MCM6: variants seen among roughly 807,000 people sequenced by gnomAD.
MCM6 encodes DNA replication licensing factor MCM6.
MCM6 carries 46 observed loss-of-function variants against 94.3 expected under a neutral mutation model. That is an observed-to-expected ratio of 0.49 (90% CI 0.39 to 0.62). The LOEUF is 0.62. Among genes scored for constraint, MCM6 ranks in the 20% least tolerant of loss-of-function variants. The pLI is 0.00. For synonymous variants in MCM6, 335 were observed against 351.9 expected, an observed-to-expected ratio of 0.95 and a Z score of 0.54; for missense variants, 865 against 1,017.9, an observed-to-expected ratio of 0.85 and a Z score of 2.04.
intron 6 of MCM6, among the ~76,000 whole-genome samples, chr2:135,865,689 G>T (rs1680080915): frequency 6.6e-6 from 1 of 152,086 alleles, no homozygotes; most frequent in Admixed American, 6.6e-5. Context: ...GCACTTAAAA[G>T]CATTGAGCTT....
intron 11 of MCM6, among the ~76,000 whole-genome samples, chr2:135,853,927 T>C (rs1248932673): frequency 6.6e-6 from 1 of 152,238 alleles, no homozygotes; most frequent in East Asian, 1.9e-4. Flanking sequence ...AAATTATTTC[T>C]AATTAAGAAG....
chr2:135,844,494 C>A, intron 16 of MCM6, 51 bp downstream of exon 16: 1 of 1,396,914 alleles, frequency 7.2e-7, no homozygotes, highest in Non-Finnish European at 9.3e-7. Context: ...AGATACAGGG[C>A]ATGAACTCCC....
chr2:135,856,995 C>T, intron 10 of MCM6, 112 bp from the exon 11 acceptor site: 1 of 920,404 alleles, frequency 1.1e-6, no homozygotes, highest in Non-Finnish European at 1.6e-6. Context: ...AAAATAATGA[C>T]ATACCCTTTT....
chr2:135,869,991 T>C (rs1680172383), intron 3 of MCM6, among the ~76,000 whole-genome samples: 1 of 152,228 alleles, frequency 6.6e-6, no homozygotes, highest in African/African-American at 2.4e-5. Flanking sequence ...GTACTTGTTT[T>C]ATAATTATTG....
intron 11 of MCM6, among the ~76,000 whole-genome samples, chr2:135,855,089 G>C (rs1679848266): frequency 6.6e-6 from 1 of 152,134 alleles, no homozygotes; most frequent in Non-Finnish European, 1.5e-5. Context: ...CTAGGAGGCG[G>C]AGGTTGCAGT....
intron 15 of MCM6, 126 bp from the exon 16 acceptor site, chr2:135,844,810 A>G: frequency 1.0e-6 from 1 of 980,942 alleles, no homozygotes; most frequent in East Asian, 2.9e-5. Flanking sequence ...CCGAAAGTAC[A>G]TCTGGTGACG....
At chr2:135,860,176 A>C (rs1679963005) in intron 8 of MCM6, among the ~76,000 whole-genome samples, 1 of 151,970 alleles carries the variant, frequency 6.6e-6, no homozygotes, top group Admixed American at 6.6e-5. Context: ...TCTGTCACCC[A>C]GGCTGGAGTG....
intron 15 of MCM6, among the ~76,000 whole-genome samples, chr2:135,845,916 T>C (rs1484175539): frequency 6.6e-6 from 1 of 152,162 alleles, no homozygotes; most frequent in East Asian, 1.9e-4. Context: ...AGAACCATTG[T>C]AAGGGAATAG....
intron 1 of MCM6, among the ~76,000 whole-genome samples, chr2:135,874,822 TACAG>T (rs1333817369): frequency 6.6e-6 from 1 of 152,206 alleles, no homozygotes; most frequent in East Asian, 1.9e-4. Flanking sequence ...ACTCAATGTG[TACAG>T]ACAATGTTAT....
intron 1 of MCM6, among the ~76,000 whole-genome samples, chr2:135,874,704 T>C (rs949694673): frequency 6.6e-6 from 1 of 152,182 alleles, no homozygotes; most frequent in Non-Finnish European, 1.5e-5. Flanking sequence ...CACTGGAGCA[T>C]TTCAAATTAG....
chr2:135,872,715 A>T lies in MCM6; in HGVS notation c.236T>A (p.Ile79Asn). ...CCCATACCTATAGAACTCCTCTTGA[A>T]TGGTGGTGGAAAGTTGCTGGTTAAA... is the stretch of plus-strand genomic sequence containing the variant. Reference protein sequence around the residue: ...EQFNQQLSTTIQEEFYRVYPY... With the variant: ...EQFNQQLSTTNQEEFYRVYPY... Residue 79 changes from isoleucine to asparagine, a missense_variant, in exon 2 of 17, where the codon ATT becomes AAT. Physicochemically the swap from Ile to Asn is moderately radical, Grantham distance 149. Transcript: ENST00000264156. 1.2e-6 allele frequency: 2 copies of T among 1,614,194 alleles called. No homozygotes were observed. The highest frequency in any genetic ancestry group is 1.7e-6 in the Non-Finnish European group (2 of 1,180,034).
At chr2:135,865,942 AG>A (rs1393644496) in intron 6 of MCM6, among the ~76,000 whole-genome samples, 189 bp downstream of exon 6, 1 of 152,136 alleles carries the variant, frequency 6.6e-6, no homozygotes, top group African/African-American at 2.4e-5. Flanking sequence ...TCTCTAAAAA[AG>A]TTTTTTTAAT....
chr2:135,861,147 A>G (rs978440076), intron 8 of MCM6, among the ~76,000 whole-genome samples: 2 of 152,244 alleles, frequency 1.3e-5, no homozygotes, highest in East Asian at 1.9e-4. Context: ...ATATTTAATC[A>G]TAAAACTCCA....
At chr2:135,841,065 C>G in intron 16 of MCM6, 114 bp from the exon 17 acceptor site, 2 of 757,548 alleles carry the variant, frequency 2.6e-6, no homozygotes, top group Non-Finnish European at 4.5e-6. Flanking sequence ...CTTTCATTTC[C>G]CAACTAGAAA....
chr2:135,843,070 G>T (rs1439030186), intron 16 of MCM6, among the ~76,000 whole-genome samples: 2 of 152,134 alleles, frequency 1.3e-5, no homozygotes, highest in African/African-American at 4.8e-5. Flanking sequence ...TGGTGAAGGC[G>T]GTAAAAAGAG....
At position 135,858,021 on chromosome 2, in the gene MCM6, C is replaced by T; in HGVS notation, c.1363-17G>A. The T allele has an allele frequency of 6.2e-7, 1 of 1,608,666 alleles. No individual in the cohort carries two copies. Among genetic ancestry groups the T allele is most frequent in the Non-Finnish European group, 8.5e-7 (1 of 1,176,046 alleles). On this transcript the variant is annotated splice_polypyrimidine_tract_variant and intron_variant, in intron 9 of 16. Transcript: ENST00000264156. ...ACACACACCCTGTAACCAAACAAAT[C>T]AAGCCTAAGAAGCTGTCTTTCAAGC... is the stretch of plus-strand genomic sequence containing the variant.
intron 1 of MCM6, 141 bp from the exon 2 acceptor site, chr2:135,872,984 A>G (rs751281613): frequency 5.4e-5 from 52 of 964,294 alleles, no homozygotes; most frequent in Non-Finnish European, 7.3e-5. Flanking sequence ...GGGGCAAGTT[A>G]CTCCTCCCTT....
chr2:135,869,134 G>A (rs1680155074), intron 3 of MCM6, among the ~76,000 whole-genome samples: 1 of 152,152 alleles, frequency 6.6e-6, no homozygotes. Context: ...TGGGCGCAGT[G>A]ACTCACACCT....
At chr2:135,847,751 A>G (rs1172805077) in intron 14 of MCM6, among the ~76,000 whole-genome samples, 1 of 152,164 alleles carries the variant, frequency 6.6e-6, no homozygotes, top group African/African-American at 2.4e-5. Context: ...TTTAGTAGAG[A>G]AGGGGTTTCA....
Sources: gnomAD v4.1 joint callset for allele counts (sites outside exome capture counted in the v4.1 genomes callset) on GRCh38, gnomAD v4.1.1 for gene constraint, MANE v1.5 for transcripts, NCBI Gene and HGNC (gene_info 2026-07-23, HGNC 2026-07-21) for gene names.